The following LAMA3 variants were observed in gnomAD, a reference collection of about 807,000 sequenced individuals.
LAMA3 encodes laminin subunit alpha-3.
In LAMA3, 281 loss-of-function variants were observed where a neutral mutation model predicts 402.0. That is an observed-to-expected ratio of 0.70 (90% CI 0.63 to 0.77). The LOEUF (loss-of-function observed/expected upper bound fraction) is 0.77. LAMA3 is among the 30% of genes least tolerant of loss of function. The pLI, the probability that LAMA3 is intolerant of heterozygous loss-of-function variation, is 0.00. For synonymous variants in LAMA3, 1,431 were observed against 1,558.4 expected, an observed-to-expected ratio of 0.92 and a Z score of 1.93; for missense variants, 3,840 against 4,215.5, an observed-to-expected ratio of 0.91 and a Z score of 2.47.
chr18:23,888,588 C>T (rs2080523300), intron 41 of LAMA3, among the ~76,000 whole-genome samples: 1 of 152,130 alleles, frequency 6.6e-6, no homozygotes, highest in Admixed American at 6.5e-5. Flanking sequence ...GTTACAGCAA[C>T]AGCCCAAGAT....
chr18:23,774,350 C>G (rs928839329), intron 9 of LAMA3, among the ~76,000 whole-genome samples: 5 of 152,152 alleles, frequency 3.3e-5, no homozygotes, highest in African/African-American at 9.7e-5. Context: ...GAGGCATTAC[C>G]TAAATACTTT....
intron 40 of LAMA3, among the ~76,000 whole-genome samples, chr18:23,882,351 C>T (rs560790201): frequency 4.5e-4 from 69 of 152,096 alleles, no homozygotes; most frequent in African/African-American, 1.6e-3. Context: ...ATGAATAGGC[C>T]GGGTGTGGTG....
At chr18:23,876,975 C>G (rs1409150403) in intron 39 of LAMA3, among the ~76,000 whole-genome samples, 1 of 152,142 alleles carries the variant, frequency 6.6e-6, no homozygotes, top group Non-Finnish European at 1.5e-5. Context: ...GAGCCGAGAT[C>G]GTGCCACTGC....
intron 1 of LAMA3, among the ~76,000 whole-genome samples, chr18:23,704,872 C>A (rs995783849): frequency 7.5e-5 from 9 of 119,252 alleles, no homozygotes; most frequent in African/African-American, 2.5e-4. Context: ...TAAGAAAGAT[C>A]ATAAAAAATG....
intron 41 of LAMA3, among the ~76,000 whole-genome samples, chr18:23,889,751 A>G (rs1027783629): frequency 4.6e-5 from 7 of 150,976 alleles, no homozygotes; most frequent in African/African-American, 1.7e-4. Context: ...GGAAGAAATA[A>G]TGCAATAGGA....
intron 39 of LAMA3, among the ~76,000 whole-genome samples, chr18:23,876,703 G>A (rs2064729114): frequency 6.6e-6 from 1 of 152,166 alleles, no homozygotes; most frequent in Non-Finnish European, 1.5e-5. Flanking sequence ...GTTAACTCTT[G>A]CCAGGACAAA....
chr18:23,806,900 G>T (rs2062972338), intron 12 of LAMA3, among the ~76,000 whole-genome samples: 1 of 152,122 alleles, frequency 6.6e-6, no homozygotes, highest in Non-Finnish European at 1.5e-5. Flanking sequence ...TTCCCACTTT[G>T]TCCAGCCCAA....
Position 23,817,766 on chromosome 18 carries a change from G to A in LAMA3, c.2147+1279G>A, listed in dbSNP as rs2063205548. Among the ~76,000 whole-genome samples the A allele has an allele frequency of 2.0e-5, 3 of 152,078 alleles. No individual in the cohort carries two copies. The South Asian group carries it at 6.2e-4, about 32-fold the overall frequency. ...ACCCAGCCGCACTTTCCCTCAGTTG[G>A]GGGCTTGGAGTAAAAGATCTGTGAA... On this transcript the variant is annotated intron_variant, in intron 18 of 74. Coordinates refer to ENST00000313654, the MANE Select transcript of LAMA3 (RefSeq NM_198129.4).
chr18:23,873,743 A>G (rs1020823254), intron 38 of LAMA3, among the ~76,000 whole-genome samples: 2 of 152,220 alleles, frequency 1.3e-5, no homozygotes, highest in Non-Finnish European at 2.9e-5. Context: ...AGAGAAATAG[A>G]TCCTATGGCT....
At chr18:23,836,793 A>G (rs989372944) in intron 24 of LAMA3, among the ~76,000 whole-genome samples, 188 bp from the exon 25 acceptor site, 3 of 152,234 alleles carry the variant, frequency 2.0e-5, no homozygotes, top group Non-Finnish European at 4.4e-5. Flanking sequence ...TGGCCACGGC[A>G]GGAAGGTTAT....
intron 2 of LAMA3, among the ~76,000 whole-genome samples, chr18:23,723,415 C>T (rs1254036878): frequency 6.6e-6 from 1 of 152,112 alleles, no homozygotes; most frequent in Non-Finnish European, 1.5e-5. Context: ...ATCGACACAA[C>T]ATGTGTCTGT....
At position 23,713,990 on chromosome 18, in the gene LAMA3, G is replaced by T. The variant is rs1201416061; in HGVS notation, c.365G>T (p.Gly122Val). 1 of 1,613,614 alleles carries T rather than the reference G, an allele frequency of 6.2e-7. No homozygotes were observed. Among genetic ancestry groups the T allele is most frequent in the African/African-American group, 1.3e-5 (1 of 74,866 alleles). The change falls in exon 2 of 75, where the codon GGA becomes GTA. Residue 122 changes from glycine (G) to valine (V), a missense_variant. Physicochemically the swap from Gly to Val is moderately radical, Grantham distance 109. Transcript: ENST00000313654. ...CATCCTGTCACCAATGCCATCGATG[G>T]ATCTGAACGTTGGTGGCAAAGCCCT... ...KAHPVTNAID[G>V]SERWWQSPPL...
At chr18:23,863,401 A>G (rs1468557756) in intron 35 of LAMA3, among the ~76,000 whole-genome samples, 1 of 152,186 alleles carries the variant, frequency 6.6e-6, no homozygotes, top group Non-Finnish European at 1.5e-5. Flanking sequence ...ACTGAGCTCG[A>G]GCCATTGGAC....
intron 60 of LAMA3, 143 bp from the exon 61 acceptor site, chr18:23,920,792 C>A: frequency 1.1e-6 from 1 of 922,874 alleles, no homozygotes; most frequent in South Asian, 1.3e-5. Flanking sequence ...CGTGAGGTTG[C>A]TGTTGCAGCA....
intron 9 of LAMA3, among the ~76,000 whole-genome samples, chr18:23,775,462 G>A (rs879597572): frequency 6.6e-6 from 1 of 152,158 alleles, no homozygotes; most frequent in African/African-American, 2.4e-5. Flanking sequence ...CAGAACTAAG[G>A]CAAATACCCC....
chr18:23,828,029 A>G (rs925004885), intron 23 of LAMA3, among the ~76,000 whole-genome samples: 1 of 152,246 alleles, frequency 6.6e-6, no homozygotes, highest in Non-Finnish European at 1.5e-5. Context: ...AACCAAATTT[A>G]AGATCATACT....
At chr18:23,845,212 T>C (rs2063787738) in intron 30 of LAMA3, 88 bp downstream of exon 30, 2 of 792,428 alleles carry the variant, frequency 2.5e-6, no homozygotes, top group Non-Finnish European at 4.5e-6. Flanking sequence ...GGCTGGCCCA[T>C]GGATCCGTCC....
chr18:23,803,388 A>G (rs184582648), intron 12 of LAMA3, among the ~76,000 whole-genome samples: 1 of 152,146 alleles, frequency 6.6e-6, no homozygotes, highest in African/African-American at 2.4e-5. Flanking sequence ...CCCTGCCCCC[A>G]TGGCTACTTT....
intron 60 of LAMA3, among the ~76,000 whole-genome samples, chr18:23,919,987 C>A (rs756002920): frequency 1.8e-4 from 28 of 151,788 alleles, no homozygotes; most frequent in Non-Finnish European, 3.7e-4. Flanking sequence ...GCAGAATTTA[C>A]AAGATTATGT....
Sources: gnomAD v4.1 joint callset for allele counts (sites outside exome capture counted in the v4.1 genomes callset) on GRCh38, gnomAD v4.1.1 for gene constraint, MANE v1.5 for transcripts, NCBI Gene and HGNC (gene_info 2026-07-23, HGNC 2026-07-21) for gene names.